NEBL: variants seen among roughly 807,000 people sequenced by gnomAD.
NEBL encodes the protein LIM and SH3 protein 2.
Under a neutral mutation model 140.2 loss-of-function variants are expected in NEBL, and 122 were observed. That is an observed-to-expected ratio of 0.87 (90% confidence interval 0.75 to 1.01). NEBL has a LOEUF of 1.01. Among genes scored for constraint, NEBL ranks in the 50% least tolerant of loss-of-function variants. NEBL has a pLI of 0.00. For missense variants in NEBL, 1,365 were observed against 1,231.3 expected, an observed-to-expected ratio of 1.11 and a Z score of -1.62; for synonymous variants, 436 against 398.9, an observed-to-expected ratio of 1.09 and a Z score of -1.11.
At chr10:21,056,280 A>G (rs538017649) in intron 2 of NEBL, among the ~76,000 whole-genome samples, 1 of 152,322 alleles carries the variant, frequency 6.6e-6, no homozygotes, top group African/African-American at 2.4e-5. Flanking sequence ...TCTCTTGTTC[A>G]TAAAACCTAA....
intron 10 of NEBL, among the ~76,000 whole-genome samples, chr10:20,852,233 AG>A (rs1342394589): frequency 6.6e-6 from 1 of 152,204 alleles, no homozygotes; most frequent in Non-Finnish European, 1.5e-5. Flanking sequence ...TCAAGACACT[AG>A]AAAAATTTAA....
chr10:21,172,341 T>G, intron 2 of NEBL: 1 of 1,496,680 alleles, frequency 6.7e-7, no homozygotes, highest in Non-Finnish European at 9.3e-7. Context: ...TCTCAAGCTC[T>G]GAGGCTGTGC....
chr10:20,869,667 C>A, intron 6 of NEBL, 73 bp downstream of exon 6: 2 of 969,796 alleles, frequency 2.1e-6, no homozygotes, highest in Non-Finnish European at 3.4e-6. Context: ...AACCATCCAA[C>A]CACTGAAGCT....
At chr10:21,152,735 A>G (rs1383332185) in intron 2 of NEBL, among the ~76,000 whole-genome samples, 2 of 152,224 alleles carry the variant, frequency 1.3e-5, no homozygotes, top group Non-Finnish European at 2.9e-5. Flanking sequence ...AGAACCTCAG[A>G]ACAGTAATTT....
At chr10:20,920,280 C>G (rs905072031) in intron 4 of NEBL, among the ~76,000 whole-genome samples, 8 of 152,176 alleles carry the variant, frequency 5.3e-5, no homozygotes, top group African/African-American at 1.9e-4. Context: ...TTTAACCCAT[C>G]AGTCACTCTT....
At chr10:21,244,564 A>G (rs1842491529) in intron 3 of NEBL, among the ~76,000 whole-genome samples, 1 of 151,648 alleles carries the variant, frequency 6.6e-6, no homozygotes, top group African/African-American at 2.4e-5. Flanking sequence ...AGACAGGAGA[A>G]TCGCTTGAAC....
intron 20 of NEBL, 29 bp from the exon 21 acceptor site, chr10:20,817,721 GAT>G: frequency 6.6e-7 from 1 of 1,520,976 alleles, no homozygotes; most frequent in Non-Finnish European, 9.1e-7. Context: ...AACTTTAACA[GAT>G]AGCACAATGG....
At chr10:21,279,661 G>A (rs1344576603) in intron 1 of NEBL, among the ~76,000 whole-genome samples, 2 of 151,460 alleles carry the variant, frequency 1.3e-5, no homozygotes, top group Admixed American at 6.6e-5. Context: ...AGGAGGCTGA[G>A]ACATGAGAAT....
chr10:21,029,445 C>T, intron 2 of NEBL: 2 of 1,611,508 alleles, frequency 1.2e-6, no homozygotes, highest in South Asian at 2.2e-5. Context: ...ACCTGGATTC[C>T]CTGCTCAGTG....
intron 2 of NEBL, among the ~76,000 whole-genome samples, chr10:21,067,793 A>G (rs560858698): frequency 6.6e-6 from 1 of 152,196 alleles, no homozygotes; most frequent in East Asian, 1.9e-4. Flanking sequence ...CCTGGGCAAC[A>G]TAATGAGAAC....
In NEBL at chr10:20,955,120, A is replaced by G. The variant is rs11012418; in HGVS notation, c.357+6552T>C. 0.018 allele frequency among the ~76,000 whole-genome samples: 2,749 copies of G among 152,314 alleles called. 299 individuals carry two copies. In the East Asian group the frequency reaches 0.32, roughly 18 times the overall value. ...GTCAAGAGACTATTCCCACACTCCT[A>G]TCAAGGGGTAGGGAGGGCCCTAAAT... On this transcript the variant is annotated intron_variant, in intron 4 of 6. Coordinates refer to the NEBL transcript ENST00000417816.
intron 2 of NEBL, among the ~76,000 whole-genome samples, chr10:21,097,508 T>C (rs1199052803): frequency 1.3e-5 from 2 of 152,174 alleles, no homozygotes; most frequent in Admixed American, 6.5e-5. Context: ...GTGTCCTTTC[T>C]GTTTTCTATA....
chr10:21,047,191 A>G (rs1261537455), intron 2 of NEBL, among the ~76,000 whole-genome samples: 3 of 152,202 alleles, frequency 2.0e-5, no homozygotes, highest in African/African-American at 7.2e-5. Flanking sequence ...CTTTTACTCA[A>G]TCAGCTTGTT....
chr10:20,908,938 C>T (rs1241154390), intron 4 of NEBL, among the ~76,000 whole-genome samples: 1 of 152,118 alleles, frequency 6.6e-6, no homozygotes, highest in Non-Finnish European at 1.5e-5. Context: ...CTTATTTGTG[C>T]TACACTTTTT....
chr10:20,787,584 A>G (rs752913190), intron 26 of NEBL, among the ~76,000 whole-genome samples: 11 of 150,508 alleles, frequency 7.3e-5, no homozygotes, highest in Non-Finnish European at 1.5e-4. Flanking sequence ...TAAAAACATA[A>G]ACAAAAATTT....
intron 2 of NEBL, among the ~76,000 whole-genome samples, chr10:21,152,932 A>C (rs1203051483): frequency 6.6e-6 from 1 of 152,094 alleles, no homozygotes; most frequent in Non-Finnish European, 1.5e-5. Context: ...AACCAGCACC[A>C]CCTTATGTAC....
At chr10:21,269,793 C>G (rs1842840247) in intron 1 of NEBL, among the ~76,000 whole-genome samples, 1 of 152,142 alleles carries the variant, frequency 6.6e-6, no homozygotes, top group African/African-American at 2.4e-5. Flanking sequence ...AAGTTTACCT[C>G]TAAGGTGGTG....
At chr10:21,172,176 C>T in intron 2 of NEBL, 2 of 592,462 alleles carry the variant, frequency 3.4e-6, no homozygotes, top group Non-Finnish European at 6.0e-6. Context: ...ATTGAAGATG[C>T]ATAGACGTTA....
chr10:21,154,527 C>T lies in NEBL; in HGVS notation c.164+17856G>A, dbSNP rs189456430. The stretch of plus-strand genomic sequence containing the variant: ...CATTAAATTTTCATGACTTTGTGCT[C>T]GTGGGTCTCAATAACACCTGTGTTT... On this transcript the variant is annotated intron_variant, in intron 2 of 6. Coordinates refer to the NEBL transcript ENST00000417816. Among the ~76,000 whole-genome samples, 8 of 151,282 alleles carry T rather than the reference C, an allele frequency of 5.3e-5. No individual in the cohort carries two copies. In the East Asian group the frequency reaches 9.7e-4, roughly 18 times the overall value.
Sources: allele counts gnomAD v4.1 joint callset (sites outside exome capture counted in the v4.1 genomes callset), GRCh38; gene constraint gnomAD v4.1.1; transcripts MANE v1.5; gene names NCBI Gene and HGNC (gene_info 2026-07-23, HGNC 2026-07-21).